ARHGAP8: variants seen among roughly 807,000 people sequenced by gnomAD.
ARHGAP8 encodes Rho GTPase activating protein 8, also known as rho GTPase-activating protein 8.
A neutral mutation model predicts 46.1 loss-of-function variants in ARHGAP8; 62 were observed. The ratio of observed to expected loss-of-function variants is 1.34; its 90% confidence interval spans 1.10 to 1.66. The LOEUF (loss-of-function observed/expected upper bound fraction) is 1.66, where lower values mean the gene tolerates loss of function less well. Ranked by LOEUF, ARHGAP8 falls within the 40% of genes most tolerant of loss-of-function variation. The pLI, the probability that ARHGAP8 is intolerant of heterozygous loss-of-function variation, is 0.00. For missense variants in ARHGAP8, 923 were observed against 568.4 expected (o/e 1.62, Z -6.34); for synonymous variants, 375 against 243.1 (o/e 1.54, Z -5.05).
chr22:44,804,405 G>C (rs1248762973), intron 3 of ARHGAP8, among the ~76,000 whole-genome samples: 1 of 152,206 alleles, frequency 6.6e-6, no homozygotes, highest in Non-Finnish European at 1.5e-5. Flanking sequence ...CCAGGCCCAG[G>C]GGAGAAGCTC....
rs117101890 is a variant in ARHGAP8 at position 44,770,611 on chromosome 22, G to C, written c.-71-15846G>C. ...AGTAGAGACCAGGTTTTACCATGAT[G>C]CCCAGGCTGGTCTCACACTTCTGAC... is the stretch of plus-strand genomic sequence containing the variant. On this transcript the variant is annotated intron_variant, in intron 1 of 11. Transcript: ENST00000356099. Among the ~76,000 whole-genome samples the C allele has an allele frequency of 8.8e-4, 134 of 152,244 alleles. 1 individual carries two copies. In the East Asian group the frequency reaches 0.02, roughly 22 times the overall value.
chr22:44,812,126 T>A (rs1422778126), intron 4 of ARHGAP8, among the ~76,000 whole-genome samples: 1 of 152,072 alleles, frequency 6.6e-6, no homozygotes, highest in Non-Finnish European at 1.5e-5. Context: ...TCCTGCCAGG[T>A]CATTCCTTTT....
intron 1 of ARHGAP8, among the ~76,000 whole-genome samples, chr22:44,767,984 C>CTTTTTTTTTTGTTTTTTTTTT (rs1925709059): frequency 2.1e-5 from 1 of 47,230 alleles, no homozygotes; most frequent in Non-Finnish European, 3.6e-5. Flanking sequence ...CGCATGATGT[C>CTTTTTTTTTTGTTTTTTTTTT]TTTTTTTTTT....
In ARHGAP8 at chr22:44,859,848, G is replaced by A. The variant is rs554408993; in HGVS notation, c.981+14G>A. ...TTCCTGCATGCGGTGAGTGGGGAAG[G>A]GGGGAGCTTGGGGTGAAGCCCAGTG... On this transcript the variant is annotated intron_variant, in intron 11 of 11. Coordinates refer to ENST00000356099, the MANE Select transcript of ARHGAP8 (RefSeq NM_181335.3). 1.5e-5 allele frequency: 24 copies of A among 1,610,886 alleles called. No homozygotes were observed. Among genetic ancestry groups the A allele is most frequent in the African/African-American group, 4.0e-5 (3 of 74,854 alleles).
Position 44,801,865 on chromosome 22 carries a change from C to A in ARHGAP8, c.80-212C>A, listed in dbSNP as rs533761033. The A allele has an allele frequency of 8.6e-6, 5 of 584,182 alleles. No homozygotes were observed. In the South Asian group the frequency reaches 1.1e-4, roughly 13 times the overall value. The allele number at this position is 584,182 out of a possible 1,614,324, so 36.2% of individuals were successfully genotyped here. Reference sequence around the variant, plus strand: ...ATCTGTAAAGTGGGGGGATTATTTCCAGCGTACGGCTGGTCATGAAGATGA... The same window carrying A: ...ATCTGTAAAGTGGGGGGATTATTTCAAGCGTACGGCTGGTCATGAAGATGA... On this transcript the variant is annotated intron_variant, in intron 2 of 11. Transcript: ENST00000356099.
At chr22:44,860,625 C>G (rs867591239) in intron 11 of ARHGAP8, among the ~76,000 whole-genome samples, 2 of 91,884 alleles carry the variant, frequency 2.2e-5, no homozygotes, top group Non-Finnish European at 4.3e-5. Flanking sequence ...AGAGGGGCCA[C>G]CATTCAATCT....
intron 1 of ARHGAP8, among the ~76,000 whole-genome samples, chr22:44,763,255 G>T (rs926470568): frequency 1.3e-5 from 2 of 151,914 alleles, no homozygotes; most frequent in Non-Finnish European, 2.9e-5. Context: ...CTAACACTTT[G>T]GGAGGCCAAG....
At chr22:44,798,259 AGCCACT>A (rs1413388562) in intron 2 of ARHGAP8, among the ~76,000 whole-genome samples, 1 of 152,062 alleles carries the variant, frequency 6.6e-6, no homozygotes, top group African/African-American at 2.4e-5. Context: ...TACATGAGTG[AGCCACT>A]GCACCTGGCC....
intron 1 of ARHGAP8, among the ~76,000 whole-genome samples, chr22:44,763,268 G>A (rs534171398): frequency 5.3e-5 from 8 of 151,964 alleles, no homozygotes; most frequent in East Asian, 3.9e-4. Flanking sequence ...AGGCCAAGGC[G>A]GGTGGATCAC....
chr22:44,789,204 C>G (rs899098807), intron 2 of ARHGAP8, among the ~76,000 whole-genome samples: 6 of 151,482 alleles, frequency 4.0e-5, no homozygotes, highest in Admixed American at 1.3e-4. Flanking sequence ...GGCTGGAGTA[C>G]AGTGGTGCGA....
At chr22:44,807,175 C>G (rs1196176319) in intron 3 of ARHGAP8, among the ~76,000 whole-genome samples, 1 of 152,074 alleles carries the variant, frequency 6.6e-6, no homozygotes, top group Non-Finnish European at 1.5e-5. Flanking sequence ...AAGATGTGCT[C>G]CAGGTGAGAA....
intron 3 of ARHGAP8, among the ~76,000 whole-genome samples, chr22:44,807,410 G>A (rs982839803): frequency 6.0e-5 from 9 of 149,672 alleles, no homozygotes; most frequent in Non-Finnish European, 7.4e-5. Flanking sequence ...AGGGGGTGGC[G>A]GGCGACAGAC....
intron 1 of ARHGAP8, among the ~76,000 whole-genome samples, chr22:44,764,902 C>T (rs569547298): frequency 2.0e-5 from 3 of 152,334 alleles, no homozygotes; most frequent in South Asian, 4.1e-4. Flanking sequence ...CACCCTGGCA[C>T]ACTCCCCTCC....
rs71188484 is a variant in ARHGAP8, at chr22:44,772,223, CTTTTTTTTTTTTTTTTTTTTTT to C, written c.-71-14225_-71-14204del. 1.2e-4 allele frequency among the ~76,000 whole-genome samples: 2 copies of C among 16,402 alleles called. 1 individual carries two copies. The highest frequency in any genetic ancestry group is 3.3e-4 in the Non-Finnish European group (2 of 6,088). The allele number at this position is 16,402 out of a possible 152,430, so 10.8% of individuals were successfully genotyped here. On this transcript the variant is annotated intron_variant, in intron 1 of 11. Coordinates refer to ENST00000356099, the MANE Select transcript of ARHGAP8 (RefSeq NM_181335.3). ...TGTTTCTGTTTTACTACTGTTTTGC[CTTTTTTTTTTTTTTTTTTTTTT>C]TTTTTTTTCAAGACTGAGTCTCTGT...
At chr22:44,754,373 T>TGTGTGTGTGTGTGTGTGA (rs1555907814) in intron 1 of ARHGAP8, among the ~76,000 whole-genome samples, 143 of 147,600 alleles carry the variant, frequency 9.7e-4, no homozygotes, top group East Asian at 3.3e-3. Flanking sequence ...TGTGTGTGTG[T>TGTGTGTGTGTGTGTGTGA]GACGCAGTTT....
intron 5 of ARHGAP8, among the ~76,000 whole-genome samples, chr22:44,819,227 C>T (rs892432901): frequency 1.3e-5 from 2 of 152,156 alleles, no homozygotes; most frequent in African/African-American, 4.8e-5. Context: ...CCACCATGCC[C>T]AGCTAAATTT....
intron 5 of ARHGAP8, among the ~76,000 whole-genome samples, chr22:44,817,202 C>T (rs1929816484): frequency 6.6e-6 from 1 of 152,172 alleles, no homozygotes; most frequent in African/African-American, 2.4e-5. Context: ...TTCTTATCAG[C>T]TCCCAAAGCT....
intron 2 of ARHGAP8, chr22:44,801,721 A>C (rs993804214): frequency 4.1e-6 from 1 of 241,480 alleles, no homozygotes; most frequent in African/African-American, 2.3e-5. Flanking sequence ...GGGTTGGAGG[A>C]GGAGGTAGAG....
Position 44,862,749 on chromosome 22 carries a change from TC to T in ARHGAP8, c.*156del. The T allele has an allele frequency of 2.2e-6, 2 of 924,982 alleles. No individual in the cohort carries two copies. Among genetic ancestry groups the T allele is most frequent in the Non-Finnish European group, 3.1e-6 (2 of 647,520 alleles). 57.3% of individuals were successfully genotyped at this position (924,982 alleles called of 1,614,324 possible). ...CATGCCTCTGGTCCTTGGACTCTTGTCCATGGTTCCTGAGCTGTGGACCGGG... is the reference window on the plus strand; with the variant it reads ...CATGCCTCTGGTCCTTGGACTCTTGTCATGGTTCCTGAGCTGTGGACCGGG... On this transcript the variant is annotated 3_prime_UTR_variant, in exon 12 of 12. Coordinates refer to ENST00000356099, the MANE Select transcript of ARHGAP8 (RefSeq NM_181335.3).
Sources: gnomAD v4.1 joint callset for allele counts (sites outside exome capture counted in the v4.1 genomes callset) on GRCh38, gnomAD v4.1.1 for gene constraint, MANE v1.5 for transcripts, NCBI Gene and HGNC (gene_info 2026-07-23, HGNC 2026-07-21) for gene names.